The following NPC1 variants were observed in gnomAD, a reference collection of about 807,000 sequenced individuals.
NPC1 encodes the protein NPC intracellular cholesterol transporter 1, also known as Niemann-Pick C1 protein.
A neutral mutation model predicts 140.4 loss-of-function variants in NPC1; 85 were observed. The ratio of observed to expected loss-of-function variants is 0.61; its 90% CI spans 0.51 to 0.72. The LOEUF (loss-of-function observed/expected upper bound fraction) is 0.72, where lower values mean the gene tolerates loss of function less well. NPC1 is among the 30% of genes least tolerant of loss of function. The pLI, the probability that NPC1 is intolerant of heterozygous loss-of-function variation, is 0.00. For missense variants in NPC1, 1,504 were observed against 1,623.8 expected (o/e 0.93, Z 1.27); for synonymous variants, 656 against 624.8 (o/e 1.05, Z -0.74).
intron 4 of NPC1, among the ~76,000 whole-genome samples, chr18:23,566,228 A>C (rs1030568759): frequency 6.6e-6 from 1 of 151,400 alleles, no homozygotes; most frequent in Non-Finnish European, 1.5e-5. Flanking sequence ...CTATCTCTAC[A>C]AAAAAAAATT....
intron 17 of NPC1, 68 bp from the exon 18 acceptor site, chr18:23,540,069 CATGGAGA>C: frequency 4.2e-6 from 6 of 1,417,190 alleles, no homozygotes. Context: ...AGGCGAGGAT[CATGGAGA>C]ATAAGAGGGT....
chr18:23,520,310 A>G (rs1027717145), downstream of NPC1: 6 of 1,611,456 alleles, frequency 3.7e-6, no homozygotes, highest in South Asian at 4.4e-5. Flanking sequence ...GATCCCCATC[A>G]CAGGTAACAC....
intron 3 of NPC1, among the ~76,000 whole-genome samples, chr18:23,571,194 G>GT (rs1050538367): frequency 6.6e-6 from 1 of 150,508 alleles, no homozygotes. Context: ...CTGACAAATT[G>GT]TAAGAGTGCT....
At chr18:23,525,250 G>T (rs2058263788), downstream of NPC1, among the ~76,000 whole-genome samples, 1 of 151,300 alleles carries the variant, frequency 6.6e-6, no homozygotes, top group Non-Finnish European at 1.5e-5. Context: ...CCGGCCTAAA[G>T]AAATCTTATT....
chr18:23,512,035 T>G (rs1443575631), intron 3 of NPC1, among the ~76,000 whole-genome samples: 1 of 150,970 alleles, frequency 6.6e-6, no homozygotes, highest in Non-Finnish European at 1.5e-5. Flanking sequence ...TTTTTTTTTT[T>G]TCTGAGACAG....
At chr18:23,509,267 C>A in intron 3 of NPC1, 5 of 1,428,750 alleles carry the variant, frequency 3.5e-6, no homozygotes, top group Non-Finnish European at 4.6e-6. Flanking sequence ...ATCAAGGAAT[C>A]GAATTTTACC....
chr18:23,530,481 A>C, downstream of NPC1: 1 of 1,614,288 alleles, frequency 6.2e-7, no homozygotes, highest in Non-Finnish European at 8.5e-7. Flanking sequence ...ATTGGTGGCC[A>C]TGACAACATT....
chr18:23,517,965 G>A (rs966907682), downstream of NPC1, among the ~76,000 whole-genome samples: 5 of 152,018 alleles, frequency 3.3e-5, no homozygotes, highest in African/African-American at 1.2e-4. Context: ...TGATCCTCCC[G>A]CCTCATCCTC....
chr18:23,553,467 A>G (rs973085259), intron 9 of NPC1, among the ~76,000 whole-genome samples: 3 of 152,220 alleles, frequency 2.0e-5, no homozygotes, highest in African/African-American at 7.2e-5. Flanking sequence ...ATATAGCCCA[A>G]CTGCATAAAA....
intron 22 of NPC1, among the ~76,000 whole-genome samples, 154 bp downstream of exon 22, chr18:23,535,304 ATCCAGCACTCC>A (rs905027833): frequency 6.6e-4 from 101 of 152,200 alleles, no homozygotes; most frequent in African/African-American, 2.3e-3. Context: ...TCCCACCACC[ATCCAGCACTCC>A]TCCAGCACTC....
At chr18:23,549,779 T>C (rs2058841774) in intron 10 of NPC1, among the ~76,000 whole-genome samples, 1 of 150,290 alleles carries the variant, frequency 6.7e-6, no homozygotes, top group Non-Finnish European at 1.5e-5. Context: ...CTTGCTCTTG[T>C]CGCCCAGGCT....
intron 1 of NPC1, among the ~76,000 whole-genome samples, chr18:23,579,966 G>A (rs1282127577): frequency 1.3e-5 from 2 of 151,668 alleles, no homozygotes; most frequent in Non-Finnish European, 2.9e-5. Context: ...AGCTCCATAA[G>A]CACACATTAT....
Position 23,586,379 on chromosome 18 carries a change from T to A in NPC1, c.-36A>T. 1 of 1,530,850 alleles carries A rather than the reference T, an allele frequency of 6.5e-7. No individual in the cohort carries two copies. The highest frequency in any genetic ancestry group is 8.7e-7 in the Non-Finnish European group (1 of 1,145,100). The allele number at this position is 1,530,850 out of a possible 1,614,324, so 94.8% of individuals were successfully genotyped here. ...CGCAAGGCTGCTGACGCCGGCGGCG[T>A]TCGGCTGGTTGGGCTCCCCGGAGGC... is the stretch of plus-strand genomic sequence containing the variant. On this transcript the variant is annotated 5_prime_UTR_variant, in exon 1 of 25. Coordinates refer to ENST00000269228, the MANE Select transcript of NPC1 (RefSeq NM_000271.5).
chr18:23,507,932 G>A, intron 3 of NPC1: 1 of 1,550,660 alleles, frequency 6.4e-7, no homozygotes, highest in Non-Finnish European at 8.8e-7. Flanking sequence ...ACGTAGGTTG[G>A]CAGTATGCTG....
downstream of NPC1, chr18:23,526,813 G>A (rs372401506): frequency 6.3e-7 from 1 of 1,598,294 alleles, no homozygotes; most frequent in African/African-American, 1.3e-5. Flanking sequence ...TGAGGCCTGT[G>A]CTGCCCAACA....
intron 6 of NPC1, among the ~76,000 whole-genome samples, chr18:23,557,445 C>T (rs779825575): frequency 3.9e-5 from 6 of 152,190 alleles, no homozygotes; most frequent in Non-Finnish European, 8.8e-5. Flanking sequence ...TTATTTAAAA[C>T]TTTTAGGTCC....
intron 2 of NPC1, among the ~76,000 whole-genome samples, chr18:23,572,918 G>A (rs956882925): frequency 1.1e-4 from 17 of 152,180 alleles, no homozygotes; most frequent in African/African-American, 3.9e-4. Flanking sequence ...ATTACTTTAA[G>A]CCTCTAAAAC....
chr18:23,545,387 C>T (rs1208041799), intron 11 of NPC1, among the ~76,000 whole-genome samples: 5 of 152,150 alleles, frequency 3.3e-5, no homozygotes, highest in Non-Finnish European at 5.9e-5. Flanking sequence ...GGACTCCAGG[C>T]GTGCGCCACC....
intron 20 of NPC1, 34 bp from the exon 21 acceptor site, chr18:23,536,910 A>T (rs1183174556): frequency 5.1e-6 from 8 of 1,569,730 alleles, no homozygotes; most frequent in Non-Finnish European, 7.0e-6. Flanking sequence ...AAGAGAGTCC[A>T]GGTCTTGCAA....
Sources: allele counts gnomAD v4.1 joint callset (sites outside exome capture counted in the v4.1 genomes callset), GRCh38; gene constraint gnomAD v4.1.1; transcripts MANE v1.5; gene names NCBI Gene and HGNC (gene_info 2026-07-23, HGNC 2026-07-21).